Variants in SRGAP1 observed in about 807,000 individuals in gnomAD.
SRGAP1 encodes SLIT-ROBO Rho GTPase activating protein 1, also known as SLIT-ROBO Rho GTPase-activating protein 1.
In SRGAP1, 43 loss-of-function variants were observed where a neutral mutation model predicts 121.9. The ratio of observed to expected loss-of-function variants is 0.35; its 90% CI spans 0.28 to 0.46. SRGAP1 has a LOEUF of 0.46. Among genes scored for constraint, SRGAP1 ranks in the 20% least tolerant of loss-of-function variants. SRGAP1 has a pLI of 1.00. For missense variants in SRGAP1, 1,102 were observed against 1,350.9 expected, an observed-to-expected ratio of 0.82 and a Z score of 2.89; for synonymous variants, 447 against 485.4, an observed-to-expected ratio of 0.92 and a Z score of 1.04.
At chr12:63,870,536 T>C (rs1899815305) in intron 1 of SRGAP1, among the ~76,000 whole-genome samples, 2 of 97,932 alleles carry the variant, frequency 2.0e-5, no homozygotes, top group Admixed American at 2.1e-4. Context: ...TATCTTGATT[T>C]TTTTTTTTTT....
intron 1 of SRGAP1, among the ~76,000 whole-genome samples, chr12:63,923,501 T>A (rs960560720): frequency 2.0e-5 from 3 of 152,234 alleles, no homozygotes; most frequent in African/African-American, 7.2e-5. Context: ...GTGAAAAGTT[T>A]GAGATTATAG....
intron 4 of SRGAP1, among the ~76,000 whole-genome samples, chr12:64,018,141 G>A (rs2034454280): frequency 1.3e-5 from 2 of 152,194 alleles, no homozygotes; most frequent in South Asian, 4.1e-4. Flanking sequence ...CCAGGCTGGA[G>A]TGCAGTGGCA....
At chr12:63,874,290 G>A (rs1899956914) in intron 1 of SRGAP1, among the ~76,000 whole-genome samples, 1 of 151,666 alleles carries the variant, frequency 6.6e-6, no homozygotes, top group Admixed American at 6.6e-5. Flanking sequence ...TGCAAGCTCC[G>A]CCTCCTGGGT....
chr12:63,972,863 A>G (rs186571115), intron 1 of SRGAP1, among the ~76,000 whole-genome samples: 10 of 152,270 alleles, frequency 6.6e-5, no homozygotes, highest in African/African-American at 2.4e-4. Flanking sequence ...AGTAAATGAT[A>G]GAAGGCCAGG....
At chr12:64,112,041 T>C in intron 17 of SRGAP1, 55 bp downstream of exon 17, 4 of 1,389,950 alleles carry the variant, frequency 2.9e-6, no homozygotes, top group Non-Finnish European at 4.0e-6. Context: ...GAAATATAGC[T>C]ATCAATTTGA....
intron 3 of SRGAP1, among the ~76,000 whole-genome samples, chr12:64,002,654 T>G (rs1296650295): frequency 6.6e-6 from 1 of 152,092 alleles, no homozygotes; most frequent in African/African-American, 2.4e-5. Context: ...AACTATAGAA[T>G]AGGAGCATTG....
chr12:63,852,788 A>G (rs1238333448), intron 1 of SRGAP1, among the ~76,000 whole-genome samples: 3 of 152,168 alleles, frequency 2.0e-5, no homozygotes, highest in African/African-American at 7.2e-5. Flanking sequence ...TTTAAAATCA[A>G]TGTAGGAATG....
chr12:64,129,034 C>A (rs1236810675), intron 21 of SRGAP1, among the ~76,000 whole-genome samples: 2 of 151,682 alleles, frequency 1.3e-5, no homozygotes, highest in African/African-American at 4.8e-5. Flanking sequence ...GAGGCTGAGG[C>A]AAGAAGATAG....
At chr12:63,901,987 C>T (rs755603666) in intron 1 of SRGAP1, among the ~76,000 whole-genome samples, 7 of 152,162 alleles carry the variant, frequency 4.6e-5, no homozygotes, top group Non-Finnish European at 7.4e-5. Flanking sequence ...CTTGTTTGGA[C>T]TTTATAGTAC....
chr12:64,035,214 A>T (rs2034877360), intron 4 of SRGAP1, among the ~76,000 whole-genome samples: 1 of 152,112 alleles, frequency 6.6e-6, no homozygotes, highest in Non-Finnish European at 1.5e-5. Context: ...GAAATATATT[A>T]TCCATTTTTT....
At chr12:63,857,464 C>T (rs1443372002) in intron 1 of SRGAP1, among the ~76,000 whole-genome samples, 2 of 152,012 alleles carry the variant, frequency 1.3e-5, no homozygotes, top group Non-Finnish European at 2.9e-5. Flanking sequence ...TCACTGCAAC[C>T]TCCGCCTCCC....
At chr12:64,026,776 G>A (rs1206055507) in intron 4 of SRGAP1, among the ~76,000 whole-genome samples, 1 of 151,630 alleles carries the variant, frequency 6.6e-6, no homozygotes. Flanking sequence ...TGAGTCGGGA[G>A]AATCGCTTGA....
chr12:63,971,730 A>C (rs1266568031), intron 1 of SRGAP1, among the ~76,000 whole-genome samples: 1 of 151,974 alleles, frequency 6.6e-6, no homozygotes, highest in African/African-American at 2.4e-5. Flanking sequence ...AAAAATCTTA[A>C]AAGGTGTGTG....
In SRGAP1 at chr12:64,137,961, A is replaced by AAATAT. The variant is rs372355390; in HGVS notation, c.2881-4333_2881-4332insATATA. Among the ~76,000 whole-genome samples the AAATAT allele has an allele frequency of 8.0e-3, 1,123 of 139,630 alleles. 10 individuals carry two copies. Among genetic ancestry groups the AAATAT allele is most frequent in the Middle Eastern group, 0.041 (11 of 270 alleles). 91.6% of individuals were successfully genotyped at this position (139,630 alleles called of 152,430 possible). A position where few individuals can be genotyped will look rare whatever the true frequency, so the allele number is the denominator to read the frequency against. ...CTTTCTTAATTGTGCTTAAAAAAAA[A>AAATAT]ATATATATATATATATATATAAAAA... On this transcript the variant is annotated intron_variant, in intron 21 of 21. Coordinates refer to ENST00000355086, the MANE Select transcript of SRGAP1 (RefSeq NM_020762.4).
chr12:64,042,771 T>G lies in SRGAP1; in HGVS notation c.490-19T>G. On this transcript the variant is annotated intron_variant, in intron 4 of 21. Transcript: ENST00000355086. ...TGACAGACAGACATCTTGTAACAAT[T>G]TGGGTCACTTTTCCACAGGTGATGA... The G allele has an allele frequency of 6.2e-7, 1 of 1,603,816 alleles. No homozygotes were observed. Among genetic ancestry groups the G allele is most frequent in the Non-Finnish European group, 8.5e-7 (1 of 1,172,042 alleles).
At chr12:63,989,078 A>T (rs1565625087) in intron 2 of SRGAP1, among the ~76,000 whole-genome samples, 1 of 152,178 alleles carries the variant, frequency 6.6e-6, no homozygotes, top group African/African-American at 2.4e-5. Context: ...CCAAAATGTT[A>T]GGATTATAGG....
At chr12:64,080,998 A>C (rs1441529919) in intron 10 of SRGAP1, 1 of 153,866 alleles carries the variant, frequency 6.5e-6, no homozygotes, top group Non-Finnish European at 1.4e-5. Flanking sequence ...GTGCACTAAT[A>C]ATTTCTCCGT....
At chr12:63,945,407 C>T (rs2032012420) in intron 1 of SRGAP1, among the ~76,000 whole-genome samples, 1 of 151,994 alleles carries the variant, frequency 6.6e-6, no homozygotes, top group Non-Finnish European at 1.5e-5. Flanking sequence ...TAACGCTATC[C>T]CTCCCCCAGC....
At chr12:64,088,366 T>C (rs2035985198) in intron 11 of SRGAP1, among the ~76,000 whole-genome samples, 1 of 152,210 alleles carries the variant, frequency 6.6e-6, no homozygotes, top group East Asian at 1.9e-4. Context: ...TGTTTCTCAA[T>C]TATAATTACT....
Sources: allele counts gnomAD v4.1 joint callset (sites outside exome capture counted in the v4.1 genomes callset), GRCh38; gene constraint gnomAD v4.1.1; transcripts MANE v1.5; gene names NCBI Gene and HGNC (gene_info 2026-07-23, HGNC 2026-07-21).